Variants in NLGN1 observed in about 807,000 individuals in gnomAD.
NLGN1 encodes neuroligin 1.
A neutral mutation model predicts 65.5 loss-of-function variants in NLGN1; 12 were observed. The ratio of observed to expected loss-of-function variants is 0.18; its 90% CI spans 0.12 to 0.30. NLGN1 has a LOEUF of 0.30. Among genes scored for constraint, NLGN1 ranks in the 10% least tolerant of loss-of-function variants. The probability of loss-of-function intolerance (pLI) is 1.00; values close to 1 mark genes in which losing one functional copy is unlikely to be tolerated. For synonymous variants in NLGN1, 350 were observed against 359.5 expected (o/e 0.97, Z 0.30); for missense variants, 750 against 1,007.1 (o/e 0.74, Z 3.46).
At chr3:173,488,558 T>A (rs1419345838) in intron 2 of NLGN1, among the ~76,000 whole-genome samples, 1 of 152,098 alleles carries the variant, frequency 6.6e-6, no homozygotes, top group Non-Finnish European at 1.5e-5. Flanking sequence ...GTATAAACTT[T>A]TAGGGTAACC....
intron 3 of NLGN1, among the ~76,000 whole-genome samples, chr3:173,654,900 A>G (rs1217305167): frequency 4.3e-4 from 66 of 152,120 alleles, no homozygotes; most frequent in Non-Finnish European, 4.4e-5. Context: ...TGCGTTTTTC[A>G]GTCATATATG....
At chr3:174,092,072 G>A (rs1232802005) in intron 4 of NLGN1, among the ~76,000 whole-genome samples, 1 of 152,030 alleles carries the variant, frequency 6.6e-6, no homozygotes, top group African/African-American at 2.4e-5. Flanking sequence ...ATATAAATAT[G>A]TATGAAGAGA....
intron 4 of NLGN1, among the ~76,000 whole-genome samples, chr3:173,849,297 C>T (rs1323469672): frequency 6.6e-6 from 1 of 152,010 alleles, no homozygotes; most frequent in African/African-American, 2.4e-5. Context: ...ATTGGTTAGT[C>T]ACCTTTCTGT....
At chr3:173,541,723 G>A (rs894039133) in intron 2 of NLGN1, among the ~76,000 whole-genome samples, 4 of 152,064 alleles carry the variant, frequency 2.6e-5, no homozygotes, top group Non-Finnish European at 2.9e-5. Context: ...AATTATTTTT[G>A]TAGTGCATTA....
chr3:174,078,901 A>C (rs1218350217), intron 4 of NLGN1, among the ~76,000 whole-genome samples: 2 of 152,160 alleles, frequency 1.3e-5, no homozygotes, highest in Admixed American at 6.5e-5. Flanking sequence ...CAAATCAACA[A>C]ATCTAAAGAA....
chr3:174,223,312 C>T (rs1338601654), intron 4 of NLGN1, among the ~76,000 whole-genome samples: 3 of 152,126 alleles, frequency 2.0e-5, no homozygotes, highest in African/African-American at 4.8e-5. Context: ...TTTGGTCCTT[C>T]ATGAGAAGTC....
chr3:173,595,999 T>A (rs1749419782), intron 2 of NLGN1, among the ~76,000 whole-genome samples: 1 of 152,176 alleles, frequency 6.6e-6, no homozygotes, highest in African/African-American at 2.4e-5. Context: ...CCAAACCATA[T>A]CATGTGTGTT....
At chr3:174,292,389 T>G in the NLGN1 span, among the ~76,000 whole-genome samples, 1 of 151,232 alleles carries the variant, frequency 6.6e-6, no homozygotes, top group Admixed American at 6.6e-5. Flanking sequence ...GGAATATATC[T>G]AAAGGACAGA....
chr3:173,729,357 C>T (rs1772399842), intron 3 of NLGN1, among the ~76,000 whole-genome samples: 1 of 152,064 alleles, frequency 6.6e-6, no homozygotes, highest in Non-Finnish European at 1.5e-5. Flanking sequence ...TGTTTAGACT[C>T]CTTGGTCTTC....
At chr3:173,976,746 C>G (rs116289947) in intron 4 of NLGN1, among the ~76,000 whole-genome samples, 1,531 of 152,142 alleles carry the variant, frequency 0.01, 25 homozygotes, top group African/African-American at 0.035. Flanking sequence ...AGTCTATGAC[C>G]TTTCATGTTT....
chr3:174,209,166 C>T (rs1735972593), intron 4 of NLGN1, among the ~76,000 whole-genome samples: 1 of 152,170 alleles, frequency 6.6e-6, no homozygotes, highest in Non-Finnish European at 1.5e-5. Flanking sequence ...TCAAACAATT[C>T]ACCCGCTTCA....
intron 2 of NLGN1, among the ~76,000 whole-genome samples, chr3:173,598,241 G>A (rs1360735718): frequency 1.3e-5 from 2 of 152,116 alleles, no homozygotes; most frequent in South Asian, 2.1e-4. Flanking sequence ...AGTGCTATTG[G>A]TGGTTAACCA....
chr3:173,920,132 G>C (rs1489926864), intron 4 of NLGN1, among the ~76,000 whole-genome samples: 1 of 151,904 alleles, frequency 6.6e-6, no homozygotes, highest in East Asian at 1.9e-4. Context: ...GGGCAGACTA[G>C]ATACAGATAC....
intron 4 of NLGN1, among the ~76,000 whole-genome samples, chr3:173,915,910 T>A (rs1740640069): frequency 6.6e-6 from 1 of 152,166 alleles, no homozygotes; most frequent in Non-Finnish European, 1.5e-5. Context: ...TAATTTTTAT[T>A]TTTTTAGATT....
At chr3:174,285,537 A>C (rs780158442) in exon 7 of NLGN1, 1 of 151,552 alleles carries the variant, frequency 6.6e-6, no homozygotes, top group South Asian at 2.1e-4. Flanking sequence ...CCTCTCCTGC[A>C]CTTGATCTGA....
chr3:174,056,007 A>G (rs2152510398), intron 4 of NLGN1, among the ~76,000 whole-genome samples: 1 of 152,076 alleles, frequency 6.6e-6, no homozygotes, highest in East Asian at 1.9e-4. Flanking sequence ...AGCAGATTAT[A>G]TGCTAAGTAT....
intron 3 of NLGN1, among the ~76,000 whole-genome samples, chr3:173,796,994 TA>T (rs1714234499): frequency 6.6e-6 from 1 of 152,114 alleles, no homozygotes; most frequent in Non-Finnish European, 1.5e-5. Flanking sequence ...TCTAACAGTT[TA>T]GAACAAAGGG....
chr3:173,601,813 A>G (rs560474678), intron 2 of NLGN1, among the ~76,000 whole-genome samples: 15 of 152,176 alleles, frequency 9.9e-5, no homozygotes, highest in Non-Finnish European at 1.8e-4. Flanking sequence ...ATAAAAATAT[A>G]TAGCAAAATA....
chr3:173,780,616 C>T (rs1780980651), intron 3 of NLGN1, among the ~76,000 whole-genome samples: 1 of 152,154 alleles, frequency 6.6e-6, no homozygotes, highest in South Asian at 2.1e-4. Context: ...AACTCCAATT[C>T]ATTTATTCCA....
Sources: allele counts gnomAD v4.1 joint callset (sites outside exome capture counted in the v4.1 genomes callset), GRCh38; gene constraint gnomAD v4.1.1; transcripts MANE v1.5; gene names NCBI Gene and HGNC (gene_info 2026-07-23, HGNC 2026-07-21).